Variants in RBL1 observed in about 807,000 individuals in gnomAD.
RBL1 encodes the protein retinoblastoma-like protein 1.
A neutral mutation model predicts 123.0 loss-of-function variants in RBL1; 82 were observed. The observed-to-expected ratio is 0.67, with a 90% confidence interval of 0.56 to 0.80. The LOEUF is 0.80. RBL1 is among the 30% of genes least tolerant of loss of function. The pLI, the probability that RBL1 is intolerant of heterozygous loss-of-function variation, is 0.00. For missense variants in RBL1, 1,171 were observed against 1,299.6 expected, an observed-to-expected ratio of 0.90 and a Z score of 1.52; for synonymous variants, 405 against 441.3, an observed-to-expected ratio of 0.92 and a Z score of 1.03.
At chr20:37,064,240 C>T (rs1309724584) in intron 7 of RBL1, among the ~76,000 whole-genome samples, 2 of 146,964 alleles carry the variant, frequency 1.4e-5, no homozygotes, top group East Asian at 4.1e-4. Flanking sequence ...TGGGTTCAAG[C>T]GATCCGCCTG....
chr20:37,006,282 C>A (rs956132161), intron 20 of RBL1, among the ~76,000 whole-genome samples: 4 of 150,482 alleles, frequency 2.7e-5, no homozygotes, highest in African/African-American at 9.7e-5. Context: ...CTCACTGCAA[C>A]CTCCGCTTTC....
At chr20:37,036,991 C>T (rs2064625869) in intron 14 of RBL1, among the ~76,000 whole-genome samples, 1 of 152,098 alleles carries the variant, frequency 6.6e-6, no homozygotes, top group Non-Finnish European at 1.5e-5. Flanking sequence ...TTTAGAAGCT[C>T]TCTGTATTAG....
chr20:37,068,079 G>A lies in RBL1; in HGVS notation c.398C>T (p.Thr133Ile), dbSNP rs2065211495. Residue 133 changes from threonine (T) to isoleucine (I), a missense_variant, in exon 3 of 22, where the codon ACT becomes ATT. Transcript: ENST00000373664. The stretch of plus-strand genomic sequence containing the variant: ...TGGCTCATATTTTTTGAATATTACA[G>A]TAGACACCTCAAAATTTCTCTCTAG... ...ERLERNFEVS[T>I]VIFKKYEPIF... The A allele has an allele frequency of 6.2e-7, 1 of 1,613,354 alleles. No homozygotes were observed. The highest frequency in any genetic ancestry group is 8.5e-7 in the Non-Finnish European group (1 of 1,179,880).
At chr20:37,089,167 TA>T (rs2065606649) in intron 1 of RBL1, 45 bp from the exon 2 acceptor site, 1 of 1,496,268 alleles carries the variant, frequency 6.7e-7, no homozygotes, top group Non-Finnish European at 9.0e-7. Context: ...AATATTATGT[TA>T]AAATGCTTTA....
At chr20:37,035,876 A>T (rs1490188453) in intron 14 of RBL1, among the ~76,000 whole-genome samples, 1 of 152,216 alleles carries the variant, frequency 6.6e-6, no homozygotes, top group Admixed American at 6.5e-5. Flanking sequence ...GAAGGGAAGC[A>T]AAAGCAAAAA....
At position 37,065,461 on chromosome 20, in the gene RBL1, C is replaced by G; in HGVS notation, c.859G>C (p.Glu287Gln). The change falls in exon 7 of 22, where the codon GAA (glutamate) becomes CAA (glutamine). Residue 287 changes from glutamate to glutamine, a missense_variant. Physicochemically the swap from Glu to Gln is conservative, Grantham distance 29. Coordinates refer to ENST00000373664, the MANE Select transcript of RBL1 (RefSeq NM_002895.5). ...KLFDRKILKGECLLDLSSFTD... is the reference protein window; with the variant it reads ...KLFDRKILKGQCLLDLSSFTD... ...AAACTTGAAAGGTCCAGGAGGCATT[C>G]TCCTTTTAATATCTGTGAACAAAAA... The G allele has an allele frequency of 6.3e-7, 1 of 1,596,536 alleles. No homozygotes were observed. Among genetic ancestry groups the G allele is most frequent in the Non-Finnish European group, 8.6e-7 (1 of 1,168,234 alleles).
chr20:37,049,321 C>T (rs1470795419), intron 11 of RBL1: 2 of 654,476 alleles, frequency 3.1e-6, no homozygotes, highest in South Asian at 1.8e-5. Context: ...TCGGATACGA[C>T]AGAAAATGTA....
At chr20:37,081,850 C>A in intron 2 of RBL1, 3 of 347,778 alleles carry the variant, frequency 8.6e-6, no homozygotes, top group Admixed American at 3.8e-5. Flanking sequence ...AATCTCAAAC[C>A]AAAATTAGGA....
chr20:37,024,961 C>T (rs533796613), intron 16 of RBL1, among the ~76,000 whole-genome samples: 1 of 152,300 alleles, frequency 6.6e-6, no homozygotes, highest in Non-Finnish European at 1.5e-5. Context: ...AGCAGCTCTG[C>T]TTTCATATAT....
At chr20:37,008,543 T>TG (rs2064108990) in intron 19 of RBL1, among the ~76,000 whole-genome samples, 1 of 152,186 alleles carries the variant, frequency 6.6e-6, no homozygotes, top group Admixed American at 6.5e-5. Flanking sequence ...TACTATTTTT[T>TG]GGGGAAGGAA....
At chr20:37,072,828 C>G (rs551113799) in intron 2 of RBL1, among the ~76,000 whole-genome samples, 3 of 152,194 alleles carry the variant, frequency 2.0e-5, no homozygotes, top group Non-Finnish European at 4.4e-5. Flanking sequence ...CTGTGATATG[C>G]TCTTTGGCTG....
chr20:37,024,293 C>T lies in RBL1; in HGVS notation c.2383-1467G>A, dbSNP rs2064387884. Among the ~76,000 whole-genome samples, 5 of 152,244 alleles carry T rather than the reference C, an allele frequency of 3.3e-5. No homozygotes were observed. In the South Asian group the frequency reaches 1.0e-3, roughly 32 times the overall value. On this transcript the variant is annotated intron_variant, in intron 16 of 21. Coordinates refer to ENST00000373664, the MANE Select transcript of RBL1 (RefSeq NM_002895.5). ...TTTTCTGCATCCTCTCCCCTTGTTT[C>T]TGGTCCAGCCATGCTCAGTAAATAG... is the stretch of plus-strand genomic sequence containing the variant.
intron 2 of RBL1, among the ~76,000 whole-genome samples, chr20:37,069,387 AGT>A (rs2065242527): frequency 6.8e-6 from 1 of 148,080 alleles, no homozygotes; most frequent in African/African-American, 2.5e-5. Context: ...CCACCTAGGA[AGT>A]GAGGAGCACC....
intron 13 of RBL1, among the ~76,000 whole-genome samples, 156 bp from the exon 14 acceptor site, chr20:37,040,441 G>A (rs1600513209): frequency 6.6e-6 from 1 of 152,044 alleles, no homozygotes; most frequent in African/African-American, 2.4e-5. Flanking sequence ...AACCTCCAAC[G>A]CCCGGGGTTC....
intron 11 of RBL1, among the ~76,000 whole-genome samples, chr20:37,051,314 G>A (rs1936997): frequency 6.6e-6 from 1 of 151,994 alleles, no homozygotes; most frequent in South Asian, 2.1e-4. Context: ...CCAAGTAGCC[G>A]GGATTATAGG....
chr20:37,054,554 G>C (rs1443048059), intron 11 of RBL1, among the ~76,000 whole-genome samples: 1 of 151,902 alleles, frequency 6.6e-6, no homozygotes, highest in Non-Finnish European at 1.5e-5. Flanking sequence ...TTTCAGCTGG[G>C]TGAGGTGGCT....
chr20:37,044,039 T>TG, intron 13 of RBL1, 47 bp downstream of exon 13: 6 of 1,393,848 alleles, frequency 4.3e-6, no homozygotes, highest in Non-Finnish European at 4.7e-6. Context: ...GCTGGTTTTT[T>TG]TTTTTTTTTT....
At position 36,998,635 on chromosome 20, in the gene RBL1, G is replaced by T; in HGVS notation, c.*124C>A. 3.8e-6 allele frequency: 3 copies of T among 797,514 alleles called. No homozygotes were observed. The highest frequency in any genetic ancestry group is 5.6e-6 in the Non-Finnish European group (3 of 534,240). The allele number at this position is 797,514 out of a possible 1,614,324, so 49.4% of individuals were successfully genotyped here. The stretch of plus-strand genomic sequence containing the variant: ...ATATTTTAAAAAGCACATAATTTTT[G>T]TGCAATTTTTTCTTATAACCCAGTG... On this transcript the variant is annotated 3_prime_UTR_variant, in exon 22 of 22. Coordinates refer to ENST00000373664, the MANE Select transcript of RBL1 (RefSeq NM_002895.5).
In RBL1 at chr20:37,055,633, G is replaced by T; in HGVS notation, c.1387C>A (p.Leu463Met). ...HIDFAVNRLK[L>M]AEILYYKILE... ...ATTTTATAATACAAAATTTCTGCCAGCTTTAGTCTGTTTACAGCAAAGTCT... is the reference window on the plus strand; with the variant it reads ...ATTTTATAATACAAAATTTCTGCCATCTTTAGTCTGTTTACAGCAAAGTCT... The change falls in exon 11 of 22, where the codon CTG becomes ATG. Residue 463 changes from leucine to methionine, a missense_variant. Physicochemically the swap from Leu to Met is conservative, Grantham distance 15. Coordinates refer to ENST00000373664, the MANE Select transcript of RBL1 (RefSeq NM_002895.5). 1 of 1,613,054 alleles carries T rather than the reference G, an allele frequency of 6.2e-7. No individual in the cohort carries two copies.
Sources: allele counts gnomAD v4.1 joint callset (sites outside exome capture counted in the v4.1 genomes callset), GRCh38; gene constraint gnomAD v4.1.1; transcripts MANE v1.5; gene names NCBI Gene and HGNC (gene_info 2026-07-23, HGNC 2026-07-21).